Variants in R3HDML observed in about 807,000 individuals in gnomAD.
R3HDML encodes R3H domain containing like, also known as peptidase inhibitor R3HDML.
A neutral mutation model predicts 24.2 loss-of-function variants in R3HDML; 21 were observed. The ratio of observed to expected loss-of-function variants is 0.87; its 90% CI spans 0.62 to 1.25. R3HDML has a LOEUF of 1.25. Ranked by LOEUF, R3HDML falls within the 50% of genes most tolerant of loss-of-function variation. The pLI, the probability that R3HDML is intolerant of heterozygous loss-of-function variation, is 0.00. For synonymous variants in R3HDML, 133 were observed against 131.5 expected (o/e 1.01, Z -0.08); for missense variants, 301 against 340.3 (o/e 0.88, Z 0.91).
chr20:44,337,070 C>T lies in R3HDML; in HGVS notation c.-88C>T, dbSNP rs116638948. On this transcript the variant is annotated 5_prime_UTR_variant, in exon 1 of 5. In the 5' UTR this introduces an upstream ATG that the reference lacks. Coordinates refer to ENST00000217043, the MANE Select transcript of R3HDML (RefSeq NM_178491.4). This position sits in a 1 kb window ranked among gnomAD's most constrained non-coding sequence, Gnocchi z 4.7. Reference sequence around the variant, plus strand: ...CCTCTGGGTCGGCACTGTTGGAGAACGCTCAGGGTCTGGTGCTCTCGTGCC... The same window carrying T: ...CCTCTGGGTCGGCACTGTTGGAGAATGCTCAGGGTCTGGTGCTCTCGTGCC... 6.2e-5 allele frequency: 93 copies of T among 1,489,824 alleles called. No homozygotes were observed. Among genetic ancestry groups the T allele is most frequent in the African/African-American group, 2.6e-4 (19 of 72,052 alleles). The allele number at this position is 1,489,824 out of a possible 1,614,324, so 92.3% of individuals were successfully genotyped here. A position where few individuals can be genotyped will look rare whatever the true frequency, so the allele number is the denominator to read the frequency against.
intron 3 of R3HDML, among the ~76,000 whole-genome samples, chr20:44,344,378 G>A (rs538253948): frequency 1.1e-3 from 174 of 152,188 alleles, no homozygotes; most frequent in African/African-American, 3.9e-3. Flanking sequence ...GGAGGTTGAG[G>A]TTGTGGTGAG....
intron 4 of R3HDML, among the ~76,000 whole-genome samples, chr20:44,348,841 A>G (rs1328126448): frequency 6.6e-6 from 1 of 152,084 alleles, no homozygotes; most frequent in East Asian, 1.9e-4. Flanking sequence ...ACCTGCTCAC[A>G]GAATTTAAGG....
At chr20:44,350,586 CT>C in intron 4 of R3HDML, 73 bp from the exon 5 acceptor site, 1 of 1,477,412 alleles carries the variant, frequency 6.8e-7, no homozygotes. Flanking sequence ...AGTGGCAGCG[CT>C]GAGATCTGGA....
At chr20:44,342,380 G>A (rs1444663250) in intron 2 of R3HDML, among the ~76,000 whole-genome samples, 1 of 152,016 alleles carries the variant, frequency 6.6e-6, no homozygotes, top group Non-Finnish European at 1.5e-5. Context: ...TCTGAGAGCC[G>A]TGAATGGTCA....
intron 1 of R3HDML, among the ~76,000 whole-genome samples, chr20:44,340,234 T>C (rs532083825): frequency 2.6e-5 from 4 of 151,872 alleles, no homozygotes; most frequent in African/African-American, 9.7e-5. Context: ...GGATTACAGA[T>C]GTGAGCCACC....
chr20:44,346,303 G>A (rs189554988), intron 4 of R3HDML, among the ~76,000 whole-genome samples: 13 of 151,684 alleles, frequency 8.6e-5, no homozygotes, highest in African/African-American at 2.9e-4. Context: ...TTGTAGAGAC[G>A]GTGTCTCACT....
At chr20:44,348,489 C>T (rs1280458041) in intron 4 of R3HDML, among the ~76,000 whole-genome samples, 2 of 90,976 alleles carry the variant, frequency 2.2e-5, no homozygotes, top group South Asian at 8.4e-4. Context: ...TTTCTCCTTT[C>T]CTTTCCTTTC....
chr20:44,345,438 CAAAG>C (rs1165279711), intron 4 of R3HDML, 60 bp downstream of exon 4: 14 of 1,160,212 alleles, frequency 1.2e-5, no homozygotes, highest in Middle Eastern at 2.0e-4. Context: ...CCTGAGAATT[CAAAG>C]AAAGATACGC....
At chr20:44,348,803 C>A (rs1287236813) in intron 4 of R3HDML, among the ~76,000 whole-genome samples, 1 of 152,138 alleles carries the variant, frequency 6.6e-6, no homozygotes, top group African/African-American at 2.4e-5. Flanking sequence ...CACGAGCCAC[C>A]AAGCCCAGCC....
intron 2 of R3HDML, 64 bp from the exon 3 acceptor site, chr20:44,343,312 AG>A (rs1271545333): frequency 5.7e-6 from 9 of 1,581,020 alleles, no homozygotes; most frequent in Non-Finnish European, 7.7e-6. Flanking sequence ...GTCACCAGCA[AG>A]TTGGCGGCCG....
At chr20:44,342,764 C>T (rs1687373850) in intron 2 of R3HDML, among the ~76,000 whole-genome samples, 1 of 152,114 alleles carries the variant, frequency 6.6e-6, no homozygotes, top group South Asian at 2.1e-4. Context: ...CCAGCCTGGC[C>T]AACATAGTGA....
intron 1 of R3HDML, among the ~76,000 whole-genome samples, chr20:44,339,609 G>A (rs1359884729): frequency 7.0e-6 from 1 of 142,538 alleles, no homozygotes; most frequent in Non-Finnish European, 1.5e-5. Context: ...GTGTGTGTCT[G>A]TGTGTGTGTG....
At chr20:44,350,562 C>A in intron 4 of R3HDML, 98 bp from the exon 5 acceptor site, 1 of 1,202,722 alleles carries the variant, frequency 8.3e-7, no homozygotes, top group Non-Finnish European at 1.1e-6. Flanking sequence ...TGCCCCAGGT[C>A]CCCAGGGCTG....
chr20:44,340,104 G>A (rs2062768176), intron 1 of R3HDML, among the ~76,000 whole-genome samples: 1 of 151,786 alleles, frequency 6.6e-6, no homozygotes, highest in Non-Finnish European at 1.5e-5. Context: ...ATAGGTGCCC[G>A]CCACCACACC....
chr20:44,338,572 C>T (rs1021287421), intron 1 of R3HDML, among the ~76,000 whole-genome samples: 1 of 152,108 alleles, frequency 6.6e-6, no homozygotes, highest in Non-Finnish European at 1.5e-5. Context: ...ACAAATGGCA[C>T]ATTTATTGAG....
intron 4 of R3HDML, among the ~76,000 whole-genome samples, chr20:44,347,395 T>C (rs116500807): frequency 0.024 from 3,639 of 151,938 alleles, 117 homozygotes; most frequent in East Asian, 0.087. Context: ...ATTTTTAACA[T>C]TTTTGTAGAG....
chr20:44,339,559 G>A (rs1297081000), intron 1 of R3HDML, among the ~76,000 whole-genome samples: 1 of 149,290 alleles, frequency 6.7e-6, no homozygotes, highest in Non-Finnish European at 1.5e-5. Context: ...AATAGAATAT[G>A]CTGCCATTTG....
intron 3 of R3HDML, chr20:44,344,859 G>A (rs1339534804): frequency 5.6e-6 from 1 of 178,164 alleles, no homozygotes; most frequent in Non-Finnish European, 1.2e-5. Flanking sequence ...AAGGTAGTGA[G>A]TTCTCTCAAT....
At chr20:44,341,064 T>A (rs2062770803) in intron 1 of R3HDML, 132 bp from the exon 2 acceptor site, 3 of 698,722 alleles carry the variant, frequency 4.3e-6, no homozygotes, top group Non-Finnish European at 7.3e-6. Flanking sequence ...TCTTCTACTT[T>A]GTCACGTGGG....
Sources: gnomAD v4.1 joint callset for allele counts (sites outside exome capture counted in the v4.1 genomes callset) on GRCh38, gnomAD v4.1.1 for gene constraint, Gnocchi (gnomAD v3.1) non-coding constraint, MANE v1.5 for transcripts, NCBI Gene and HGNC (gene_info 2026-07-23, HGNC 2026-07-21) for gene names.